Variants in MRM1 observed in about 807,000 individuals in gnomAD.
MRM1 encodes the protein mitochondrial rRNA methyltransferase 1, also known as rRNA methyltransferase 1, mitochondrial.
Under a neutral mutation model 25.0 loss-of-function variants are expected in MRM1, and 24 were observed. The ratio of observed to expected loss-of-function variants is 0.96; its 90% confidence interval spans 0.69 to 1.35. The LOEUF (loss-of-function observed/expected upper bound fraction) is 1.35, where lower values mean the gene tolerates loss of function less well. Ranked by LOEUF, MRM1 falls within the 40% of genes most tolerant of loss-of-function variation. The pLI is 0.00. For synonymous variants in MRM1, 188 were observed against 199.2 expected, an observed-to-expected ratio of 0.94 and a Z score of 0.47; for missense variants, 431 against 464.1, an observed-to-expected ratio of 0.93 and a Z score of 0.65.
At chr17:36,624,764 G>T in the MRM1 span, among the ~76,000 whole-genome samples, 1 of 152,136 alleles carries the variant, frequency 6.6e-6, no homozygotes, top group Non-Finnish European at 1.5e-5. This position sits in a 1 kb window ranked among gnomAD's most constrained non-coding sequence, Gnocchi z 4.0. Context: ...CTTTTCCCAG[G>T]TCTCGTTTTC....
At chr17:36,623,040 A>T in the MRM1 span, among the ~76,000 whole-genome samples, 1 of 152,134 alleles carries the variant, frequency 6.6e-6, no homozygotes, top group South Asian at 2.1e-4. Context: ...GCCCCTACTG[A>T]TATGGGGCAC....
the MRM1 span, among the ~76,000 whole-genome samples, chr17:36,632,108 GC>G: frequency 1.3e-5 from 2 of 152,048 alleles, no homozygotes; most frequent in Non-Finnish European, 2.9e-5. Context: ...GCCCGCCTTG[GC>G]CTCTCAAAGT....
chr17:36,603,972 A>G (rs2074905681), intron 2 of MRM1, among the ~76,000 whole-genome samples: 3 of 152,258 alleles, frequency 2.0e-5, no homozygotes, highest in African/African-American at 7.2e-5. Flanking sequence ...ACTGCAGAAC[A>G]TCCACTTAAG....
chr17:36,610,887 C>T (rs1019231829), downstream of MRM1, among the ~76,000 whole-genome samples: 12 of 152,266 alleles, frequency 7.9e-5, no homozygotes, highest in Admixed American at 3.3e-4. Flanking sequence ...AATCCCAGCT[C>T]ACTGCAACCT....
At chr17:36,628,368 G>C in the MRM1 span, among the ~76,000 whole-genome samples, 1 of 152,180 alleles carries the variant, frequency 6.6e-6, no homozygotes, top group Non-Finnish European at 1.5e-5. Context: ...AACTGTGCCT[G>C]GGAACATTCA....
downstream of MRM1, among the ~76,000 whole-genome samples, chr17:36,609,476 ATTT>A (rs974859141): frequency 2.0e-5 from 3 of 152,166 alleles, no homozygotes; most frequent in Non-Finnish European, 2.9e-5. Context: ...GGGCCAGATA[ATTT>A]TTTGTTGTGA....
chr17:36,619,733 C>G, the MRM1 span, among the ~76,000 whole-genome samples: 1 of 151,740 alleles, frequency 6.6e-6, no homozygotes, highest in Non-Finnish European at 1.5e-5. Flanking sequence ...ATTGCTGATC[C>G]GATTATAATT....
At chr17:36,607,333 TAGG>T (rs1176679590) in intron 2 of MRM1, among the ~76,000 whole-genome samples, 3 of 152,018 alleles carry the variant, frequency 2.0e-5, no homozygotes, top group African/African-American at 7.2e-5. Flanking sequence ...TGAATTAGAA[TAGG>T]AGAGGCAGGC....
chr17:36,629,766 C>T, the MRM1 span, among the ~76,000 whole-genome samples: 5 of 152,114 alleles, frequency 3.3e-5, no homozygotes, highest in South Asian at 2.1e-4. Flanking sequence ...TGGGGCAGCC[C>T]GGCACCCCTC....
At chr17:36,629,806 C>T in the MRM1 span, among the ~76,000 whole-genome samples, 3 of 152,170 alleles carry the variant, frequency 2.0e-5, no homozygotes, top group African/African-American at 4.8e-5. Flanking sequence ...GAAGGTTGTC[C>T]TCTCATTGAC....
chr17:36,606,475 C>T (rs1285175903), intron 2 of MRM1, among the ~76,000 whole-genome samples: 1 of 147,344 alleles, frequency 6.8e-6, no homozygotes, highest in Non-Finnish European at 1.5e-5. Context: ...AGTGCAGTGG[C>T]GCAATCTTAG....
the MRM1 span, among the ~76,000 whole-genome samples, chr17:36,615,095 C>T: frequency 6.6e-6 from 1 of 152,232 alleles, no homozygotes; most frequent in Admixed American, 6.5e-5. Flanking sequence ...AACAGGACTC[C>T]TCCTGACTGC....
At chr17:36,634,638 G>T in the MRM1 span, 4 of 152,212 alleles carry the variant, frequency 2.6e-5, no homozygotes, top group Admixed American at 1.3e-4. Context: ...CTCATCGTTG[G>T]ATATGTGTGA....
chr17:36,629,564 G>C, the MRM1 span, among the ~76,000 whole-genome samples: 1 of 152,192 alleles, frequency 6.6e-6, no homozygotes, highest in East Asian at 1.9e-4. Flanking sequence ...CTGACACCCC[G>C]ACCTAGGGTA....
downstream of MRM1, among the ~76,000 whole-genome samples, chr17:36,609,739 G>A (rs1599586227): frequency 1.3e-5 from 2 of 152,206 alleles, no homozygotes; most frequent in African/African-American, 4.8e-5. Flanking sequence ...CCTCCTGGGC[G>A]AAAGGGGAAT....
chr17:36,609,548 G>A (rs1047558489), downstream of MRM1, among the ~76,000 whole-genome samples: 14 of 152,222 alleles, frequency 9.2e-5, no homozygotes, highest in African/African-American at 3.4e-4. Context: ...CGCACTAGAT[G>A]CCTGTAGCAT....
the MRM1 span, among the ~76,000 whole-genome samples, chr17:36,631,967 A>G: frequency 1.3e-5 from 2 of 152,060 alleles, no homozygotes; most frequent in South Asian, 4.1e-4. Flanking sequence ...GTTAGTCTTA[A>G]TTCCTGCTGC....
At position 36,607,893 on chromosome 17, in the gene MRM1, C is replaced by G. The variant is rs538975393; in HGVS notation, c.770-6C>G. On this transcript the variant is annotated splice_polypyrimidine_tract_variant and splice_region_variant and intron_variant, in intron 3 of 4. Transcript: ENST00000614766. ...CAACCCTAACCCTCAGCCCCACGCC[C>G]TGCAGGGAATGAGGGCTCAGGTCTA... is the stretch of plus-strand genomic sequence containing the variant. The G allele has an allele frequency of 3.1e-6, 5 of 1,613,758 alleles. No individual in the cohort carries two copies. Among genetic ancestry groups the G allele is most frequent in the Non-Finnish European group, 4.2e-6 (5 of 1,179,772 alleles).
the MRM1 span, among the ~76,000 whole-genome samples, chr17:36,613,967 T>C: frequency 6.6e-6 from 1 of 152,052 alleles, no homozygotes; most frequent in Non-Finnish European, 1.5e-5. Flanking sequence ...ACCTACCATG[T>C]AGGCTTAAGG....
Sources: allele counts gnomAD v4.1 joint callset (sites outside exome capture counted in the v4.1 genomes callset), GRCh38; gene constraint gnomAD v4.1.1; non-coding constraint Gnocchi (gnomAD v3.1); transcripts MANE v1.5; gene names NCBI Gene and HGNC (gene_info 2026-07-23, HGNC 2026-07-21).